LRRTM2: variants seen among roughly 807,000 people sequenced by gnomAD.
The protein encoded by LRRTM2 is leucine-rich repeat transmembrane neuronal protein 2.
In LRRTM2, 14 loss-of-function variants were observed where a neutral mutation model predicts 40.7. The ratio of observed to expected loss-of-function variants is 0.34; its 90% CI spans 0.23 to 0.54. The LOEUF (loss-of-function observed/expected upper bound fraction) is 0.54, where lower values mean the gene tolerates loss of function less well. Ranked by LOEUF, LRRTM2 falls within the 20% of genes least tolerant of loss-of-function variation. LRRTM2 has a pLI of 0.92. For missense variants in LRRTM2, 468 were observed against 624.4 expected (o/e 0.75, Z 2.67); for synonymous variants, 223 against 237.6 (o/e 0.94, Z 0.57).
chr5:138,874,988 A>T lies in LRRTM2; in HGVS notation c.-77T>A. ...CAGTGAGTCTGTAAAAGGCTCTAAC[A>T]TGTAGGAGCCTTTGACCAGTTTCCT... On this transcript the variant is annotated 5_prime_UTR_variant, in exon 1 of 2. An upstream start codon of the reference 5' UTR is lost. Coordinates refer to ENST00000274711, the MANE Select transcript of LRRTM2 (RefSeq NM_015564.3). The surrounding 1 kb of genome is among the most constrained non-coding windows in gnomAD (Gnocchi z 4.1). 1.3e-6 allele frequency: 2 copies of T among 1,491,572 alleles called. No individual in the cohort carries two copies. Among genetic ancestry groups the T allele is most frequent in the Non-Finnish European group, 1.9e-6 (2 of 1,075,898 alleles). 92.4% of individuals were successfully genotyped at this position (1,491,572 alleles called of 1,614,324 possible). A position where few individuals can be genotyped will look rare whatever the true frequency, so the allele number is the denominator to read the frequency against.
rs1388605167 is a variant in LRRTM2 at position 138,874,018 on chromosome 5, A to G, written c.543T>C (p.Arg181=). ...TGCTCAAATCCAGAAACTCCAGACT[A>G]CGACAGTCCCAGAACAGGCGTACTG... ...TIPVRLFWDC[R]SLEFLDLSTN... The change falls in exon 2 of 2, where the codon CGT becomes CGC. Residue 181 remains arginine, a synonymous_variant. Transcript: ENST00000274711. The surrounding 1 kb of genome is among the most constrained non-coding windows in gnomAD (Gnocchi z 4.1). The G allele has an allele frequency of 1.9e-6, 3 of 1,613,904 alleles. No individual in the cohort carries two copies. Among genetic ancestry groups the G allele is most frequent in the African/African-American group, 1.3e-5 (1 of 74,932 alleles).
chr5:138,873,403 G>T lies in LRRTM2; in HGVS notation c.1158C>A (p.Ser386Arg), dbSNP rs1216260794. ...DPTTEYTKRI[S>R]SSSYHVGDKE... The stretch of plus-strand genomic sequence containing the variant: ...TGTCTCCCACATGGTAACTTGATGA[G>T]CTTATTCTTTTTGTATATTCAGTGG... Residue 386 changes from serine (S) to arginine (R), a missense_variant, in exon 2 of 2, where the codon AGC (serine) becomes AGA (arginine). Coordinates refer to ENST00000274711, the MANE Select transcript of LRRTM2 (RefSeq NM_015564.3). The surrounding 1 kb of genome is among the most constrained non-coding windows in gnomAD (Gnocchi z 6.1). The T allele has an allele frequency of 5.0e-6, 8 of 1,613,858 alleles. No homozygotes were observed. The highest frequency in any genetic ancestry group is 6.8e-6 in the Non-Finnish European group (8 of 1,179,894).
rs1339766148 is a variant in LRRTM2, at chr5:138,873,058, A to G, written c.1503T>C (p.Tyr501=). 1.1e-5 allele frequency: 18 copies of G among 1,613,822 alleles called. No homozygotes were observed. Among genetic ancestry groups the G allele is most frequent in the South Asian group, 2.2e-5 (2 of 91,074 alleles). The change falls in exon 2 of 2, where the codon TAT becomes TAC. Residue 501 remains tyrosine (Y), a synonymous_variant. Transcript: ENST00000274711. This position sits in a 1 kb window ranked among gnomAD's most constrained non-coding sequence, Gnocchi z 6.1. Reference sequence around the variant, plus strand: ...GCAGCTGCTGACACTTGCACTGTCCATAACCATTAATGATGATGAAGGGTC... The same window carrying G: ...GCAGCTGCTGACACTTGCACTGTCCGTAACCATTAATGATGATGAAGGGTC... The part of the protein sequence containing the change: ...HEGPFIIING[Y]GQCKCQQLPY...
chr5:138,873,200 C>G lies in LRRTM2; in HGVS notation c.1361G>C (p.Arg454Thr). Residue 454 changes from arginine (R) to threonine (T), a missense_variant, in exon 2 of 2, where the codon AGA becomes ACA. Transcript: ENST00000274711. The surrounding 1 kb of genome is among the most constrained non-coding windows in gnomAD (Gnocchi z 6.1). ...CTGAACCATTGAGCACTGCCTAATT[C>G]TTCTTAAAGTGGGAGGGCAGCACTT... is the stretch of plus-strand genomic sequence containing the variant. ...SRKCCPPTLRRIRQCSMVQNH... is the reference protein window; with the variant it reads ...SRKCCPPTLRTIRQCSMVQNH... 6.2e-7 allele frequency: 1 copy of G among 1,612,234 alleles called. No individual in the cohort carries two copies. The highest frequency in any genetic ancestry group is 8.5e-7 in the Non-Finnish European group (1 of 1,178,870).
rs1750860717 is a variant in LRRTM2 at position 138,873,248 on chromosome 5, A to G, written c.1313T>C (p.Ile438Thr). The change falls in exon 2 of 2, where the codon ATT becomes ACT. Residue 438 changes from isoleucine (I) to threonine (T), a missense_variant. Ile to Thr is a moderately conservative substitution (Grantham distance 89). Coordinates refer to ENST00000274711, the MANE Select transcript of LRRTM2 (RefSeq NM_015564.3). The surrounding 1 kb of genome is among the most constrained non-coding windows in gnomAD (Gnocchi z 6.1). ...CTTCCTGGAGATGAACACTATAAAA[A>G]TAATAAAAAAGAAAGAAAACAATAA... ...MALLFSFFFI[I>T]FIVFISRKCC... is the part of the protein sequence containing the mutation. The G allele has an allele frequency of 6.2e-7, 1 of 1,613,800 alleles. No individual in the cohort carries two copies. The highest frequency in any genetic ancestry group is 8.5e-7 in the Non-Finnish European group (1 of 1,179,752).
chr5:138,869,784 C>T lies in LRRTM2; in HGVS notation c.*3226G>A, dbSNP rs1765168847. The T allele has an allele frequency of 6.6e-6, 1 of 152,522 alleles. No homozygotes were observed. The highest frequency in any genetic ancestry group is 1.9e-4 in the East Asian group (1 of 5,196). 9.4% of individuals were successfully genotyped at this position (152,522 alleles called of 1,614,324 possible). ...GTCAATTCCATTTATTGAATTGATA[C>T]AGAAATTAACTTAGGCACATTAAGA... On this transcript the variant is annotated 3_prime_UTR_variant, in exon 2 of 2. Transcript: ENST00000274711.
Position 138,873,698 on chromosome 5 carries a change from T to A in LRRTM2, c.863A>T (p.Lys288Met). 1 of 1,614,036 alleles carries A rather than the reference T, an allele frequency of 6.2e-7. No homozygotes were observed. The highest frequency in any genetic ancestry group is 8.5e-7 in the Non-Finnish European group (1 of 1,179,902). Residue 288 changes from lysine (K) to methionine (M), a missense_variant, in exon 2 of 2, where the codon AAG becomes ATG. Lys to Met is a moderately conservative substitution (Grantham distance 95). Coordinates refer to ENST00000274711, the MANE Select transcript of LRRTM2 (RefSeq NM_015564.3). This position sits in a 1 kb window ranked among gnomAD's most constrained non-coding sequence, Gnocchi z 6.1. Reference protein sequence around the residue: ...NLKILLMDNNKLNSLDSKILN... With the variant: ...NLKILLMDNNMLNSLDSKILN... ...GATCTTGGAATCAAGGCTGTTTAAC[T>A]TGTTGTTATCCATGAGGAGTATTTT... is the stretch of plus-strand genomic sequence containing the variant.
At position 138,872,880 on chromosome 5, in the gene LRRTM2, A is replaced by G. The variant is rs1284123893; in HGVS notation, c.*130T>C. On this transcript the variant is annotated 3_prime_UTR_variant, in exon 2 of 2. Transcript: ENST00000274711. Reference sequence around the variant, plus strand: ...AAATTAAAAATACTTCAACACTTCAAAAACTAAGTCTCCACTTAGTTTGGA... The same window carrying G: ...AAATTAAAAATACTTCAACACTTCAGAAACTAAGTCTCCACTTAGTTTGGA... 1.5e-5 allele frequency: 9 copies of G among 590,236 alleles called. No individual in the cohort carries two copies. The highest frequency in any genetic ancestry group is 2.6e-5 in the Non-Finnish European group (9 of 352,044). 36.6% of individuals were successfully genotyped at this position (590,236 alleles called of 1,614,324 possible). A position where few individuals can be genotyped will look rare whatever the true frequency, so the allele number is the denominator to read the frequency against.
chr5:138,873,340 G>C lies in LRRTM2; in HGVS notation c.1221C>G (p.Thr407=), dbSNP rs774501018. Residue 407 remains threonine (T), a synonymous_variant, in exon 2 of 2, where the codon ACC becomes ACG. Coordinates refer to ENST00000274711, the MANE Select transcript of LRRTM2 (RefSeq NM_015564.3). The surrounding 1 kb of genome is among the most constrained non-coding windows in gnomAD (Gnocchi z 6.1). ...TGTCTGGTTCAGGAAAGTGTTCCTC[G>C]GTAGTAACTGCTATGCCTGCAGTAG... The part of the protein sequence containing the change: ...IPTTAGIAVT[T]EEHFPEPDNA... The C allele has an allele frequency of 3.1e-6, 5 of 1,614,034 alleles. No homozygotes were observed. Among genetic ancestry groups the C allele is most frequent in the South Asian group, 2.2e-5 (2 of 91,084 alleles).
chr5:138,874,052 C>T lies in LRRTM2; in HGVS notation c.509G>A (p.Arg170Gln), dbSNP rs750499875. 2.5e-6 allele frequency: 4 copies of T among 1,613,896 alleles called. No individual in the cohort carries two copies. Among genetic ancestry groups the T allele is most frequent in the Non-Finnish European group, 3.4e-6 (4 of 1,179,870 alleles). ...CCAGAACAGGCGTACTGGGATAGTC[C>T]GCAGGGAGTTGGAACGTAAATGCAA... is the stretch of plus-strand genomic sequence containing the variant. ...QTLHLRSNSL[R>Q]TIPVRLFWDC... Residue 170 changes from arginine (R) to glutamine (Q), a missense_variant, in exon 2 of 2, where the codon CGG becomes CAG. By Grantham distance (43) the Arg-to-Gln change is conservative. Coordinates refer to ENST00000274711, the MANE Select transcript of LRRTM2 (RefSeq NM_015564.3). The surrounding 1 kb of genome is among the most constrained non-coding windows in gnomAD (Gnocchi z 4.1).
Position 138,870,559 on chromosome 5 carries a change from T to C in LRRTM2, c.*2451A>G, listed in dbSNP as rs575283663. On this transcript the variant is annotated 3_prime_UTR_variant, in exon 2 of 2. Coordinates refer to ENST00000274711, the MANE Select transcript of LRRTM2 (RefSeq NM_015564.3). Reference sequence around the variant, plus strand: ...CGTACACTAAGGATTTTGCCAGTTATGGTCCTTTAAGGATTAAGGTGGAGA... The same window carrying C: ...CGTACACTAAGGATTTTGCCAGTTACGGTCCTTTAAGGATTAAGGTGGAGA... The C allele has an allele frequency of 3.9e-4, 60 of 152,340 alleles. No homozygotes were observed. The highest frequency in any genetic ancestry group is 1.3e-3 in the African/African-American group (56 of 41,588). 9.4% of individuals were successfully genotyped at this position (152,340 alleles called of 1,614,324 possible).
rs1487055370 is a variant in LRRTM2, at chr5:138,874,041, C to T, written c.520G>A (p.Val174Ile). 1.2e-6 allele frequency: 2 copies of T among 1,613,980 alleles called. No individual in the cohort carries two copies. The highest frequency in any genetic ancestry group is 1.3e-5 in the African/African-American group (1 of 75,050). Residue 174 changes from valine (V) to isoleucine (I), a missense_variant, in exon 2 of 2, where the codon GTA becomes ATA. Coordinates refer to ENST00000274711, the MANE Select transcript of LRRTM2 (RefSeq NM_015564.3). This position sits in a 1 kb window ranked among gnomAD's most constrained non-coding sequence, Gnocchi z 4.1. ...CTACGACAGTCCCAGAACAGGCGTA[C>T]TGGGATAGTCCGCAGGGAGTTGGAA... ...LRSNSLRTIP[V>I]RLFWDCRSLE...
chr5:138,874,332 C>G lies in LRRTM2; in HGVS notation c.229G>C (p.Glu77Gln), dbSNP rs201299132. Residue 77 changes from glutamate (E) to glutamine (Q), a missense_variant, in exon 2 of 2, where the codon GAA becomes CAA. Glu to Gln is a conservative substitution (Grantham distance 29). Transcript: ENST00000274711. This position sits in a 1 kb window ranked among gnomAD's most constrained non-coding sequence, Gnocchi z 4.1. ...CTGAAGCTGGCAAATTGATCTCTTT[C>G]GAGCTCTGTGATGTGATTGTGCCTC... ...SLRHNHITEL[E>Q]RDQFASFSQL... 1.9e-6 allele frequency: 3 copies of G among 1,613,990 alleles called. No homozygotes were observed. In the South Asian group the frequency reaches 3.3e-5, roughly 18 times the overall value.
chr5:138,875,003 A>C lies in LRRTM2; in HGVS notation c.-92T>G. 7.6e-7 allele frequency: 1 copy of C among 1,312,682 alleles called. No individual in the cohort carries two copies. Among genetic ancestry groups the C allele is most frequent in the Non-Finnish European group, 1.1e-6 (1 of 921,434 alleles). 81.3% of individuals were successfully genotyped at this position (1,312,682 alleles called of 1,614,324 possible). ...AGGCTCTAACATGTAGGAGCCTTTG[A>C]CCAGTTTCCTGTTTTCTGTGTCCCA... On this transcript the variant is annotated 5_prime_UTR_variant, in exon 1 of 2. Coordinates refer to ENST00000274711, the MANE Select transcript of LRRTM2 (RefSeq NM_015564.3).
At position 138,874,915 on chromosome 5, in the gene LRRTM2, T is replaced by C. The variant is rs1426865167; in HGVS notation, c.-4A>G. ...ATAAATGCACAGACTTACCCATTCT[T>C]CTGAGCACATTGGAGGCTGCATTCA... On this transcript the variant is annotated 5_prime_UTR_variant, in exon 1 of 2. Transcript: ENST00000274711. This position sits in a 1 kb window ranked among gnomAD's most constrained non-coding sequence, Gnocchi z 4.1. 1 of 1,613,616 alleles carries C rather than the reference T, an allele frequency of 6.2e-7. No homozygotes were observed. Among genetic ancestry groups the C allele is most frequent in the African/African-American group, 1.3e-5 (1 of 74,926 alleles).
At position 138,874,954 on chromosome 5, in the gene LRRTM2, G is replaced by C. The variant is rs767295988; in HGVS notation, c.-43C>G. On this transcript the variant is annotated 5_prime_UTR_variant, in exon 1 of 2. Coordinates refer to ENST00000274711, the MANE Select transcript of LRRTM2 (RefSeq NM_015564.3). This position sits in a 1 kb window ranked among gnomAD's most constrained non-coding sequence, Gnocchi z 4.1. ...AGGCTGCATTCAGTCGCGGTTGTTA[G>C]ACTCAACGCAGTGAGTCTGTAAAAG... The C allele has an allele frequency of 1.9e-6, 3 of 1,611,840 alleles. No homozygotes were observed. The highest frequency in any genetic ancestry group is 1.7e-5 in the Admixed American group (1 of 59,948).
Position 138,869,192 on chromosome 5 carries a change from C to T in LRRTM2, c.*3818G>A, listed in dbSNP as rs1475340049. On this transcript the variant is annotated 3_prime_UTR_variant, in exon 2 of 2. Coordinates refer to ENST00000274711, the MANE Select transcript of LRRTM2 (RefSeq NM_015564.3). ...CAGACTTAAAAAAAAAAAAAAAAAC[C>T]GCTAAGGACAAAAATGTTAGTTGAA... is the stretch of plus-strand genomic sequence containing the variant. 7.2e-6 allele frequency: 1 copy of T among 139,564 alleles called. No individual in the cohort carries two copies. Among genetic ancestry groups the T allele is most frequent in the Admixed American group, 7.1e-5 (1 of 14,122 alleles). The allele number at this position is 139,564 out of a possible 1,614,324, so 8.6% of individuals were successfully genotyped here. A position where few individuals can be genotyped will look rare whatever the true frequency, so the allele number is the denominator to read the frequency against.
In LRRTM2 at chr5:138,874,759, G is replaced by T; in HGVS notation, c.4+149C>A. 2 of 782,330 alleles carry T rather than the reference G, an allele frequency of 2.6e-6. No homozygotes were observed. Among genetic ancestry groups the T allele is most frequent in the Non-Finnish European group, 4.1e-6 (2 of 487,378 alleles). The allele number at this position is 782,330 out of a possible 1,614,324, so 48.5% of individuals were successfully genotyped here. On this transcript the variant is annotated intron_variant, in intron 1 of 1. Coordinates refer to ENST00000274711, the MANE Select transcript of LRRTM2 (RefSeq NM_015564.3). The surrounding 1 kb of genome is among the most constrained non-coding windows in gnomAD (Gnocchi z 4.1). ...GCCATTTAAAAAGAAGATAAAACATGTCTCTGTCATCATCGATATATGCTT... is the reference window on the plus strand; with the variant it reads ...GCCATTTAAAAAGAAGATAAAACATTTCTCTGTCATCATCGATATATGCTT...
chr5:138,872,766 T>C lies in LRRTM2; in HGVS notation c.*244A>G. 2.5e-6 allele frequency: 1 copy of C among 392,436 alleles called. No homozygotes were observed. Among genetic ancestry groups the C allele is most frequent in the Non-Finnish European group, 4.5e-6 (1 of 221,028 alleles). The allele number at this position is 392,436 out of a possible 1,614,324, so 24.3% of individuals were successfully genotyped here. The stretch of plus-strand genomic sequence containing the variant: ...TATATAATTACATACATTTCTTATT[T>C]TGAAGTAAGCATTTTAGACTTTCCA... On this transcript the variant is annotated 3_prime_UTR_variant, in exon 2 of 2. Transcript: ENST00000274711.
Sources: gnomAD v4.1 joint callset for allele counts on GRCh38, gnomAD v4.1.1 for gene constraint, Gnocchi (gnomAD v3.1) non-coding constraint, MANE v1.5 for transcripts, NCBI Gene and HGNC (gene_info 2026-07-23, HGNC 2026-07-21) for gene names.